BBS9: variants seen among roughly 807,000 people sequenced by gnomAD.
BBS9 encodes protein PTHB1.
Under a neutral mutation model 117.7 loss-of-function variants are expected in BBS9, and 89 were observed. The observed-to-expected ratio is 0.76, with a 90% CI of 0.64 to 0.90. The LOEUF (loss-of-function observed/expected upper bound fraction) is 0.90. Ranked by LOEUF, BBS9 falls within the 40% of genes least tolerant of loss-of-function variation. The pLI, the probability that BBS9 is intolerant of heterozygous loss-of-function variation, is 0.00. For synonymous variants in BBS9, 379 were observed against 370.9 expected (o/e 1.02, Z -0.25); for missense variants, 982 against 1,042.2 (o/e 0.94, Z 0.80).
chr7:33,630,759 C>T (rs1865853464), intron 21 of BBS9, among the ~76,000 whole-genome samples: 1 of 152,138 alleles, frequency 6.6e-6, no homozygotes, highest in Non-Finnish European at 1.5e-5. Flanking sequence ...CCTCTGGTGA[C>T]ATTGCACTCC....
chr7:33,429,692 G>GTA (rs1834160010), intron 19 of BBS9, among the ~76,000 whole-genome samples: 1 of 151,942 alleles, frequency 6.6e-6, no homozygotes, highest in African/African-American at 2.4e-5. Flanking sequence ...TTTCTGTAGA[G>GTA]TTCATAGCAC....
intron 1 of BBS9, among the ~76,000 whole-genome samples, chr7:33,138,972 G>C (rs1010194390): frequency 6.6e-6 from 1 of 151,288 alleles, no homozygotes; most frequent in African/African-American, 2.4e-5. Context: ...GAGAAATGAG[G>C]CCAGGTGTGG....
intron 9 of BBS9, among the ~76,000 whole-genome samples, chr7:33,328,560 C>G (rs995534112): frequency 6.6e-6 from 1 of 152,148 alleles, no homozygotes. Flanking sequence ...ATGCTCCTTA[C>G]TGAGGTAGAA....
chr7:33,483,447 C>T (rs1249962352), intron 19 of BBS9, among the ~76,000 whole-genome samples: 2 of 152,164 alleles, frequency 1.3e-5, no homozygotes, highest in African/African-American at 4.8e-5. Flanking sequence ...CCTAGAATCA[C>T]CTTTTTCCTT....
chr7:33,129,342 T>G, upstream of BBS9: 1 of 527,216 alleles, frequency 1.9e-6, no homozygotes. Flanking sequence ...CTTAAGGAAC[T>G]GCTGCCAGGA....
chr7:33,364,522 C>G (rs1485852532), intron 16 of BBS9, among the ~76,000 whole-genome samples: 2 of 151,594 alleles, frequency 1.3e-5, no homozygotes, highest in African/African-American at 4.9e-5. Flanking sequence ...TTTTTTCCTC[C>G]TCTCACTGTA....
chr7:33,349,538 G>T (rs1185378716), intron 13 of BBS9, among the ~76,000 whole-genome samples: 1 of 152,068 alleles, frequency 6.6e-6, no homozygotes, highest in African/African-American at 2.4e-5. Context: ...GGGCTCAAGT[G>T]ATCCTCCCAC....
At chr7:33,199,485 G>T (rs928244615) in intron 5 of BBS9, among the ~76,000 whole-genome samples, 4 of 151,706 alleles carry the variant, frequency 2.6e-5, no homozygotes, top group African/African-American at 7.3e-5. Context: ...TTTATATAGG[G>T]CTTATTATGG....
intron 1 of BBS9, among the ~76,000 whole-genome samples, chr7:33,136,984 A>T (rs750853536): frequency 6.6e-6 from 1 of 151,986 alleles, no homozygotes. Flanking sequence ...TTACTAATTC[A>T]ATTTCTTTAT....
At chr7:33,476,259 T>G (rs935654509) in intron 19 of BBS9, among the ~76,000 whole-genome samples, 2 of 152,144 alleles carry the variant, frequency 1.3e-5, no homozygotes, top group African/African-American at 4.8e-5. Flanking sequence ...AAATCTTGGA[T>G]AGTGTTGGAT....
intron 20 of BBS9, 123 bp from the exon 21 acceptor site, chr7:33,533,831 A>T: frequency 8.6e-7 from 1 of 1,159,946 alleles, no homozygotes; most frequent in Non-Finnish European, 1.3e-6. Context: ...TATTCCAGAT[A>T]CCACACTCTT....
chr7:33,187,413 T>C (rs1783301552), intron 5 of BBS9, among the ~76,000 whole-genome samples: 2 of 152,340 alleles, frequency 1.3e-5, no homozygotes, highest in African/African-American at 4.8e-5. Context: ...CTTTCAAGTG[T>C]GTAACAGGGA....
chr7:33,479,494 T>C (rs1401927851), intron 19 of BBS9, among the ~76,000 whole-genome samples: 2 of 152,240 alleles, frequency 1.3e-5, no homozygotes, highest in Non-Finnish European at 2.9e-5. Context: ...TGCAACATTT[T>C]CTTTGTACAA....
At chr7:33,545,924 CTTTTTTTTT>C (rs10537037) in intron 21 of BBS9, among the ~76,000 whole-genome samples, 260 of 64,590 alleles carry the variant, frequency 4.0e-3, no homozygotes, top group African/African-American at 0.016. Context: ...CTTTATAATC[CTTTTTTTTT>C]TTTTTTTTTT....
At position 33,349,118 on chromosome 7, in the gene BBS9, C is replaced by T. The variant is rs376024532; in HGVS notation, c.1380C>T (p.Tyr460=). 35 of 1,613,254 alleles carry T rather than the reference C, an allele frequency of 2.2e-5. No individual in the cohort carries two copies. The highest frequency in any genetic ancestry group is 4.5e-5 in the East Asian group (2 of 44,804). The change falls in exon 13 of 23, where the codon TAC becomes TAT. Residue 460 remains tyrosine (Y), a synonymous_variant. Transcript: ENST00000242067. ...VILQKAKLSV[Y]VQPPLELTCD... ...TGCAAAAAGCCAAATTATCAGTCTA[C>T]GTGCAACCACCATTAGAATTGACTT...
intron 9 of BBS9, among the ~76,000 whole-genome samples, chr7:33,335,511 AT>A (rs1563017744): frequency 6.6e-6 from 1 of 152,190 alleles, no homozygotes; most frequent in Non-Finnish European, 1.5e-5. Flanking sequence ...ACGATGTTGA[AT>A]TTTTTTGTTT....
chr7:33,560,211 GGTATATGTAGTATATCTCTTTCCT>G (rs1855889095), intron 21 of BBS9, among the ~76,000 whole-genome samples: 1 of 152,210 alleles, frequency 6.6e-6, no homozygotes, highest in African/African-American at 2.4e-5. Context: ...AGGACGGATG[GGTATATGTAGTATATCTCTTTCCT>G]GGCCCTGAAA....
At chr7:33,631,274 A>G (rs917416241) in intron 21 of BBS9, among the ~76,000 whole-genome samples, 1 of 152,126 alleles carries the variant, frequency 6.6e-6, no homozygotes, top group African/African-American at 2.4e-5. Context: ...AGGCGACTTA[A>G]GGATGGTGAT....
At chr7:33,396,206 C>T (rs977689297) in intron 19 of BBS9, among the ~76,000 whole-genome samples, 5 of 152,088 alleles carry the variant, frequency 3.3e-5, no homozygotes, top group African/African-American at 1.2e-4. Context: ...AAAATACATT[C>T]ATCAAGGTAT....
Sources: allele counts gnomAD v4.1 joint callset (sites outside exome capture counted in the v4.1 genomes callset), GRCh38; gene constraint gnomAD v4.1.1; transcripts MANE v1.5; gene names NCBI Gene and HGNC (gene_info 2026-07-23, HGNC 2026-07-21).